Variants in ESYT1 observed in about 807,000 individuals in gnomAD.
ESYT1 encodes the protein extended synaptotagmin-1.
ESYT1 carries 116 observed loss-of-function variants against 154.2 expected under a neutral mutation model. That is an observed-to-expected ratio of 0.75 (90% CI 0.65 to 0.88). The LOEUF (loss-of-function observed/expected upper bound fraction) is 0.88, where lower values mean the gene tolerates loss of function less well. ESYT1 is among the 40% of genes least tolerant of loss of function. The pLI is 0.00. For missense variants in ESYT1, 1,264 were observed against 1,379.3 expected, an observed-to-expected ratio of 0.92 and a Z score of 1.32; for synonymous variants, 500 against 539.9, an observed-to-expected ratio of 0.93 and a Z score of 1.02.
Position 56,137,819 on chromosome 12 carries a change from T to C in ESYT1, c.2116-13T>C, listed in dbSNP as rs1444386704. 6.2e-7 allele frequency: 1 copy of C among 1,614,000 alleles called. No homozygotes were observed. The highest frequency in any genetic ancestry group is 1.7e-5 in the Admixed American group (1 of 60,012). ...GGAGAGAATCTTTCATCTGCACTAT[T>C]TTCTCCCACTAGGTGATCGTCACAT... On this transcript the variant is annotated splice_polypyrimidine_tract_variant and intron_variant, in intron 18 of 30. Transcript: ENST00000394048.
chr12:56,132,188 C>A (rs1333934487), intron 7 of ESYT1, 21 bp from the exon 8 acceptor site: 34 of 1,614,004 alleles, frequency 2.1e-5, no homozygotes, highest in Non-Finnish European at 2.7e-5. Context: ...CATACCCACT[C>A]CTTTCTACTC....
rs1433630203 is a variant in ESYT1, at chr12:56,132,550, C to T, written c.1114C>T (p.Arg372Cys). Residue 372 changes from arginine (R) to cysteine (C), a missense_variant, in exon 9 of 31, where the codon CGT becomes TGT. Physicochemically the swap from Arg to Cys is radical, Grantham distance 180. Coordinates refer to ENST00000394048, the MANE Select transcript of ESYT1 (RefSeq NM_015292.3). ...TTTGGGTACCCAGACATTCTGCAGT[C>T]GTGTCATTGATGAAGAACTCAACCC... ...VRLGTQTFCS[R>C]VIDEELNPQW... is the part of the protein sequence containing the mutation. 5.0e-6 allele frequency: 8 copies of T among 1,614,010 alleles called. No homozygotes were observed. The highest frequency in any genetic ancestry group is 4.5e-5 in the East Asian group (2 of 44,898).
chr12:56,140,075 C>T (rs117236658), intron 24 of ESYT1, among the ~76,000 whole-genome samples: 4,561 of 152,140 alleles, frequency 0.03, 85 homozygotes, highest in Middle Eastern at 0.071. Flanking sequence ...ACCATGTCAT[C>T]CAGGCTGGTC....
chr12:56,134,715 C>T (rs1165740700), intron 15 of ESYT1, among the ~76,000 whole-genome samples: 1 of 152,048 alleles, frequency 6.6e-6, no homozygotes, highest in African/African-American at 2.4e-5. Context: ...TCTCCTGCCT[C>T]AGCCTCCCGA....
At position 56,136,737 on chromosome 12, in the gene ESYT1, C is replaced by T. The variant is rs376929430; in HGVS notation, c.1633-7C>T. 5 of 1,595,844 alleles carry T rather than the reference C, an allele frequency of 3.1e-6. No homozygotes were observed. The African/African-American group carries it at 6.7e-5, about 22-fold the overall frequency. On this transcript the variant is annotated splice_region_variant and splice_polypyrimidine_tract_variant and intron_variant, in intron 15 of 30. Coordinates refer to ENST00000394048, the MANE Select transcript of ESYT1 (RefSeq NM_015292.3). ...CTTCACTACAGTCCTTCCTCCTGTG[C>T]CTGTAGGTGAAGGATGATTCCAGGG...
chr12:56,128,990 C>T (rs1870119360), intron 1 of ESYT1: 3 of 449,088 alleles, frequency 6.7e-6, no homozygotes, highest in South Asian at 4.8e-5. Context: ...ATCTGGGGAC[C>T]CCGTCTCAGC....
chr12:56,136,463 C>T (rs770812142), intron 15 of ESYT1, among the ~76,000 whole-genome samples: 3 of 151,466 alleles, frequency 2.0e-5, no homozygotes, highest in Admixed American at 1.3e-4. Flanking sequence ...TGACGGCATG[C>T]GCCTGTAGTC....
At chr12:56,133,327 G>C in intron 10 of ESYT1, 90 bp from the exon 11 acceptor site, 1 of 1,381,292 alleles carries the variant, frequency 7.2e-7, no homozygotes. Context: ...AGTCATTTCT[G>C]GGTGGGTGAG....
chr12:56,139,773 A>G (rs1347789763), intron 24 of ESYT1, among the ~76,000 whole-genome samples: 1 of 151,328 alleles, frequency 6.6e-6, no homozygotes, highest in Non-Finnish European at 1.5e-5. Context: ...TTTTTAGTAG[A>G]GACGGGGTTT....
At chr12:56,130,479 C>A in intron 1 of ESYT1, 103 bp from the exon 2 acceptor site, 5 of 1,409,740 alleles carry the variant, frequency 3.5e-6, no homozygotes, top group South Asian at 1.2e-5. Flanking sequence ...TGTGAGGAGT[C>A]ACACACACTC....
chr12:56,133,132 A>T (rs182555639), intron 10 of ESYT1, among the ~76,000 whole-genome samples: 102 of 152,092 alleles, frequency 6.7e-4, no homozygotes, highest in African/African-American at 2.3e-3. Flanking sequence ...AAAGAAAAAA[A>T]ATAAAAATAA....
rs768261699 is a variant in ESYT1 at position 56,143,242 on chromosome 12, T to A, written c.3134T>A (p.Leu1045His). 5 of 1,613,902 alleles carry A rather than the reference T, an allele frequency of 3.1e-6. No individual in the cohort carries two copies. In the East Asian group the frequency reaches 8.9e-5, roughly 29 times the overall value. The change falls in exon 29 of 31, where the codon CTC becomes CAC. Residue 1045 changes from leucine to histidine, a missense_variant. Leu to His is a moderately conservative substitution (Grantham distance 99, BLOSUM62 -3). Transcript: ENST00000394048. ...TCCTACCCCAGGTTTGAGTGGGAAC[T>A]CCCCCTGGATGAGGCCCAGAGACGA... The part of the protein sequence containing the change: ...PEFNERFEWE[L>H]PLDEAQRRKL...
rs1252468295 is a variant in ESYT1 at position 56,142,034 on chromosome 12, G to A, written c.2593-251G>A. 6.6e-6 allele frequency among the ~76,000 whole-genome samples: 1 copy of A among 150,962 alleles called. No homozygotes were observed. The highest frequency in any genetic ancestry group is 6.6e-5 in the Admixed American group (1 of 15,124). ...AATCGCTTGAACCTGGGAGGCGGAG[G>A]TTGCGGTGAGACCAGATCACGCCAT... On this transcript the variant is annotated intron_variant, in intron 24 of 30. Transcript: ENST00000394048. The surrounding 1 kb of genome is among the most constrained non-coding windows in gnomAD (Gnocchi z 4.1).
intron 15 of ESYT1, 88 bp downstream of exon 15, chr12:56,134,516 GA>G: frequency 8.7e-7 from 1 of 1,145,638 alleles, no homozygotes; most frequent in Non-Finnish European, 1.3e-6. Flanking sequence ...CTTTTCCCTT[GA>G]TTCCTATTTT....
chr12:56,142,316 C>T lies in ESYT1; in HGVS notation c.2624C>T (p.Ser875Leu). The T allele has an allele frequency of 1.9e-6, 3 of 1,614,144 alleles. No individual in the cohort carries two copies. The highest frequency in any genetic ancestry group is 1.1e-5 in the South Asian group (1 of 91,082). ...GGTGAGGGCACTGGCGTGCTGGGCT[C>T]ATTATCCCTGCCCCTCTCAGAGCTC... is the stretch of plus-strand genomic sequence containing the variant. The part of the protein sequence containing the change: ...VRGEGTGVLG[S>L]LSLPLSELLV... The change falls in exon 25 of 31, where the codon TCA (serine) becomes TTA (leucine). Residue 875 changes from serine to leucine, a missense_variant. Ser to Leu is a moderately radical substitution (Grantham distance 145). Coordinates refer to ENST00000394048, the MANE Select transcript of ESYT1 (RefSeq NM_015292.3). This position sits in a 1 kb window ranked among gnomAD's most constrained non-coding sequence, Gnocchi z 4.1.
Position 56,142,687 on chromosome 12 carries a change from C to A in ESYT1, c.2843C>A (p.Thr948Asn), listed in dbSNP as rs925155614. 6.2e-7 allele frequency: 1 copy of A among 1,614,080 alleles called. No homozygotes were observed. Residue 948 changes from threonine (T) to asparagine (N), a missense_variant, in exon 26 of 31, where the codon ACC (threonine) becomes AAC (asparagine). Coordinates refer to ENST00000394048, the MANE Select transcript of ESYT1 (RefSeq NM_015292.3). This position sits in a 1 kb window ranked among gnomAD's most constrained non-coding sequence, Gnocchi z 4.1. ...CTCTCGGGGGGACCCCCTCACATCA[C>A]CTCCTCAGCCCCAGAGCTCCGGCAG... is the stretch of plus-strand genomic sequence containing the variant. ...PELSGGPPHI[T>N]SSAPELRQRL...
intron 21 of ESYT1, 25 bp downstream of exon 21, chr12:56,138,297 A>G (rs1482064746): frequency 1.2e-6 from 2 of 1,613,642 alleles, no homozygotes; most frequent in South Asian, 1.1e-5. Context: ...TTGAGGAAGG[A>G]AGGGACCCAA....
At chr12:56,135,233 G>A (rs1459824056) in intron 15 of ESYT1, among the ~76,000 whole-genome samples, 2 of 150,670 alleles carry the variant, frequency 1.3e-5, no homozygotes, top group Admixed American at 6.6e-5. Context: ...CAATGGCGTG[G>A]TCTCGGCTCA....
intron 24 of ESYT1, among the ~76,000 whole-genome samples, chr12:56,141,227 G>A (rs950461128): frequency 6.6e-6 from 1 of 152,174 alleles, no homozygotes; most frequent in African/African-American, 2.4e-5. Flanking sequence ...TGCTAGCAGA[G>A]TAGAAAGGAG....
Sources: gnomAD v4.1 joint callset for allele counts (sites outside exome capture counted in the v4.1 genomes callset) on GRCh38, gnomAD v4.1.1 for gene constraint, Gnocchi (gnomAD v3.1) non-coding constraint, MANE v1.5 for transcripts, NCBI Gene and HGNC (gene_info 2026-07-23, HGNC 2026-07-21) for gene names.